Variants in COG5 observed in about 807,000 individuals in gnomAD.
COG5 encodes conserved oligomeric Golgi complex subunit 5.
COG5 carries 86 observed loss-of-function variants against 110.4 expected under a neutral mutation model. The ratio of observed to expected loss-of-function variants is 0.78; its 90% confidence interval spans 0.65 to 0.93. COG5 has a LOEUF of 0.93. COG5 is among the 40% of genes least tolerant of loss of function. COG5 has a pLI of 0.00. For synonymous variants in COG5, 360 were observed against 334.6 expected (o/e 1.08, Z -0.83); for missense variants, 1,077 against 987.0 (o/e 1.09, Z -1.22).
chr7:107,452,091 C>T (rs1449322596), intron 6 of COG5, among the ~76,000 whole-genome samples: 1 of 152,138 alleles, frequency 6.6e-6, no homozygotes, highest in Non-Finnish European at 1.5e-5. Context: ...TCTCACTGCT[C>T]CTATATCTCC....
intron 11 of COG5, among the ~76,000 whole-genome samples, chr7:107,320,942 A>G (rs1809209583): frequency 6.6e-6 from 1 of 152,190 alleles, no homozygotes; most frequent in African/African-American, 2.4e-5. Flanking sequence ...GACTTCTTCT[A>G]CACCCCCACC....
intron 6 of COG5, among the ~76,000 whole-genome samples, chr7:107,465,826 C>A (rs1796262092): frequency 6.6e-6 from 1 of 152,076 alleles, no homozygotes; most frequent in African/African-American, 2.4e-5. Flanking sequence ...GAATGGCAGC[C>A]TTCTTACAAA....
At chr7:107,460,398 G>GA (rs577518168) in intron 6 of COG5, among the ~76,000 whole-genome samples, 265 of 140,968 alleles carry the variant, frequency 1.9e-3, no homozygotes, top group Middle Eastern at 3.7e-3. Context: ...GCCTCAAAAA[G>GA]AAAAAAAAAA....
chr7:107,422,016 G>T (rs1195797605), intron 6 of COG5, among the ~76,000 whole-genome samples: 2 of 151,820 alleles, frequency 1.3e-5, no homozygotes, highest in African/African-American at 4.8e-5. Flanking sequence ...TTAGAAAAAG[G>T]TCTCAAATCA....
chr7:107,525,736 C>T (rs1392795167), intron 6 of COG5, among the ~76,000 whole-genome samples: 1 of 151,854 alleles, frequency 6.6e-6, no homozygotes, highest in Non-Finnish European at 1.5e-5. Flanking sequence ...GTTTTAATTT[C>T]CTTTACTTCT....
chr7:107,489,948 CACAA>C (rs1276810002), intron 6 of COG5, among the ~76,000 whole-genome samples: 5 of 152,040 alleles, frequency 3.3e-5, no homozygotes, highest in Non-Finnish European at 2.9e-5. Context: ...ATGAGATAAG[CACAA>C]ACAATGTTCA....
chr7:107,261,762 ACT>A (rs1026458664), intron 14 of COG5, among the ~76,000 whole-genome samples: 29 of 151,964 alleles, frequency 1.9e-4, no homozygotes, highest in African/African-American at 6.8e-4. Flanking sequence ...TAATGACTGA[ACT>A]CTCTCTCAAA....
At chr7:107,389,034 C>T (rs1028751502) in intron 7 of COG5, among the ~76,000 whole-genome samples, 7 of 152,236 alleles carry the variant, frequency 4.6e-5, no homozygotes, top group Admixed American at 2.0e-4. Context: ...TTGTACATTG[C>T]AACTCACATA....
At chr7:107,504,108 G>A (rs748279955) in intron 6 of COG5, among the ~76,000 whole-genome samples, 13 of 152,140 alleles carry the variant, frequency 8.5e-5, no homozygotes, top group South Asian at 2.1e-4. Flanking sequence ...ACTTTTCCCC[G>A]TTCAGTATGA....
chr7:107,287,665 T>A (rs935006085), intron 12 of COG5, among the ~76,000 whole-genome samples: 1 of 152,148 alleles, frequency 6.6e-6, no homozygotes, highest in Admixed American at 6.5e-5. Context: ...CCAGGCCCAA[T>A]CGATCACTAA....
chr7:107,438,747 G>T (rs934942943), intron 6 of COG5, among the ~76,000 whole-genome samples: 1 of 152,140 alleles, frequency 6.6e-6, no homozygotes, highest in Non-Finnish European at 1.5e-5. Flanking sequence ...AACTAGAGGC[G>T]ATTTAAGTGC....
intron 6 of COG5, among the ~76,000 whole-genome samples, chr7:107,444,611 A>G (rs1369865682): frequency 1.3e-5 from 2 of 152,196 alleles, no homozygotes; most frequent in Non-Finnish European, 2.9e-5. Flanking sequence ...ATCTTTTTGA[A>G]TACTGATCAT....
At chr7:107,283,416 C>G (rs1194548179) in intron 13 of COG5, among the ~76,000 whole-genome samples, 155 bp downstream of exon 13, 1 of 152,078 alleles carries the variant, frequency 6.6e-6, no homozygotes, top group Admixed American at 6.5e-5. Context: ...CAAGTACTTA[C>G]TATGTGTGCA....
intron 8 of COG5, among the ~76,000 whole-genome samples, chr7:107,365,596 C>CAAAAAAAAAAAAAAAAAAAAAAAA (rs71134263): frequency 2.7e-5 from 1 of 36,702 alleles, no homozygotes; most frequent in African/African-American, 9.5e-5. Context: ...TGCAAAATGA[C>CAAAAAAAAAAAAAAAAAAAAAAAA]AAAAAAAAAA....
chr7:107,351,267 T>A (rs1359526680), intron 10 of COG5, among the ~76,000 whole-genome samples: 4 of 152,182 alleles, frequency 2.6e-5, no homozygotes, highest in African/African-American at 7.2e-5. Context: ...TGTAGAAAGA[T>A]GAAACTGGAT....
At chr7:107,352,800 C>T (rs993651013) in intron 10 of COG5, among the ~76,000 whole-genome samples, 9 of 152,134 alleles carry the variant, frequency 5.9e-5, no homozygotes, top group African/African-American at 1.4e-4. Context: ...ATCCTATACA[C>T]ATGATTACAA....
At chr7:107,312,807 T>TA (rs917921496) in intron 11 of COG5, among the ~76,000 whole-genome samples, 3 of 133,586 alleles carry the variant, frequency 2.2e-5, no homozygotes, top group Non-Finnish European at 3.5e-5. Flanking sequence ...CTTATCTATT[T>TA]AAAAAAATTC....
At chr7:107,382,842 T>C (rs1309437495) in intron 7 of COG5, among the ~76,000 whole-genome samples, 2 of 152,202 alleles carry the variant, frequency 1.3e-5, no homozygotes, top group Non-Finnish European at 2.9e-5. Flanking sequence ...ATATTTGTCA[T>C]TAAATTCTAA....
intron 11 of COG5, among the ~76,000 whole-genome samples, chr7:107,306,207 T>C (rs1454743738): frequency 1.3e-5 from 2 of 152,022 alleles, no homozygotes; most frequent in Non-Finnish European, 2.9e-5. Flanking sequence ...TTGTCTAGAG[T>C]ATTATTGGAA....
Sources: gnomAD v4.1 joint callset for allele counts (sites outside exome capture counted in the v4.1 genomes callset) on GRCh38, gnomAD v4.1.1 for gene constraint, MANE v1.5 for transcripts, NCBI Gene and HGNC (gene_info 2026-07-23, HGNC 2026-07-21) for gene names.